XKR9: variants seen among roughly 807,000 people sequenced by gnomAD.
XKR9 encodes the protein XK-related protein 9.
Under a neutral mutation model 32.0 loss-of-function variants are expected in XKR9, and 32 were observed. That is an observed-to-expected ratio of 1.00 (90% CI 0.76 to 1.34). XKR9 has a LOEUF of 1.34. XKR9 is among the 40% of genes most tolerant of loss of function. The pLI is 0.00. For synonymous variants in XKR9, 168 were observed against 143.4 expected (o/e 1.17, Z -1.22); for missense variants, 546 against 429.7 (o/e 1.27, Z -2.39).
the XKR9 span, among the ~76,000 whole-genome samples, chr8:70,866,382 A>G: frequency 6.6e-6 from 1 of 152,250 alleles, no homozygotes; most frequent in African/African-American, 2.4e-5. Context: ...AAAAGCCAGC[A>G]TATGGGGATA....
the XKR9 span, among the ~76,000 whole-genome samples, chr8:70,980,834 T>C: frequency 0.01 from 1,559 of 152,332 alleles, 33 homozygotes; most frequent in African/African-American, 0.036. Context: ...GCTGGCTTTG[T>C]AGTGGCAAAT....
intron 2 of XKR9, among the ~76,000 whole-genome samples, chr8:70,744,266 A>T (rs1309773143): frequency 6.6e-6 from 1 of 152,004 alleles, no homozygotes; most frequent in Non-Finnish European, 1.5e-5. Context: ...AGCCGAGATC[A>T]TGCCATTGCA....
chr8:70,695,776 T>G (rs1219270596), intron 3 of XKR9, among the ~76,000 whole-genome samples: 2 of 149,630 alleles, frequency 1.3e-5, no homozygotes, highest in Non-Finnish European at 3.0e-5. Context: ...ATGGTTGAAC[T>G]AGTTTACAGT....
the XKR9 span, among the ~76,000 whole-genome samples, chr8:71,061,602 C>A: frequency 1.3e-5 from 2 of 152,072 alleles, no homozygotes; most frequent in Non-Finnish European, 2.9e-5. Context: ...CTACTGTAGA[C>A]AATGCTAAAG....
At chr8:70,979,728 G>A in the XKR9 span, among the ~76,000 whole-genome samples, 1 of 152,258 alleles carries the variant, frequency 6.6e-6, no homozygotes, top group Non-Finnish European at 1.5e-5. Flanking sequence ...ACCCACTTGA[G>A]GAGGCAGTCT....
At chr8:70,934,626 C>T in the XKR9 span, among the ~76,000 whole-genome samples, 50 of 152,032 alleles carry the variant, frequency 3.3e-4, no homozygotes, top group Non-Finnish European at 5.7e-4. Context: ...GAAACCTTTG[C>T]AATTACTATG....
the XKR9 span, among the ~76,000 whole-genome samples, chr8:70,958,670 T>G: frequency 6.6e-6 from 1 of 152,228 alleles, no homozygotes; most frequent in Admixed American, 6.5e-5. Flanking sequence ...TGATAGTTTC[T>G]TTTGCTGTGC....
At chr8:70,866,935 C>T in the XKR9 span, among the ~76,000 whole-genome samples, 2 of 152,160 alleles carry the variant, frequency 1.3e-5, no homozygotes, top group Non-Finnish European at 2.9e-5. Context: ...TTTAAAGACA[C>T]AAAGAAACCA....
At chr8:70,911,006 CTCTG>C in the XKR9 span, among the ~76,000 whole-genome samples, 1 of 152,222 alleles carries the variant, frequency 6.6e-6, no homozygotes, top group African/African-American at 2.4e-5. Flanking sequence ...TCTCTTTTGA[CTCTG>C]TCTGCTTCTT....
chr8:70,866,650 A>C, the XKR9 span, among the ~76,000 whole-genome samples: 1 of 149,888 alleles, frequency 6.7e-6, no homozygotes, highest in African/African-American at 2.5e-5. Flanking sequence ...TGCCTGGCTA[A>C]TTTTTTTGAA....
intron 4 of XKR9, among the ~76,000 whole-genome samples, chr8:70,713,949 A>G (rs544512557): frequency 6.6e-6 from 1 of 152,292 alleles, no homozygotes; most frequent in East Asian, 1.9e-4. Flanking sequence ...TCTAGAGACT[A>G]GATGTCCAAG....
the XKR9 span, among the ~76,000 whole-genome samples, chr8:71,011,170 T>G: frequency 6.6e-6 from 1 of 152,186 alleles, no homozygotes; most frequent in African/African-American, 2.4e-5. Context: ...CTCTCTCGTC[T>G]GATGCACTTA....
At chr8:70,776,173 C>A (rs7000647) in intron 2 of XKR9, among the ~76,000 whole-genome samples, 61,242 of 151,852 alleles carry the variant, frequency 0.4, 13,878 homozygotes, top group Non-Finnish European at 0.52. Context: ...AAACTCTTTG[C>A]AAGTGAAGTC....
rs1354150778 is a variant in XKR9, at chr8:70,733,101, C to T, written c.494-695C>T. 5.9e-5 allele frequency among the ~76,000 whole-genome samples: 9 copies of T among 152,064 alleles called. No homozygotes were observed. The East Asian group carries it at 1.7e-3, about 29-fold the overall frequency. On this transcript the variant is annotated intron_variant, in intron 4 of 4. Coordinates refer to ENST00000408926, the MANE Select transcript of XKR9 (RefSeq NM_001011720.2). ...CAGCCATAGTGACAGAGTGAGACTC[C>T]ATCTCAAAAAGAAGGAAAGAAATAA...
At chr8:70,783,488 G>T (rs900968865) in intron 2 of XKR9, among the ~76,000 whole-genome samples, 1 of 152,088 alleles carries the variant, frequency 6.6e-6, no homozygotes, top group Non-Finnish European at 1.5e-5. Flanking sequence ...GGCCCAAAGT[G>T]TGTATGTCTT....
At chr8:70,807,106 A>G in the XKR9 span, among the ~76,000 whole-genome samples, 1 of 152,154 alleles carries the variant, frequency 6.6e-6, no homozygotes, top group Admixed American at 6.5e-5. Context: ...ATTGGGGGCC[A>G]ATACTCAACA....
chr8:70,964,434 G>A, the XKR9 span, among the ~76,000 whole-genome samples: 1 of 152,110 alleles, frequency 6.6e-6, no homozygotes, highest in Non-Finnish European at 1.5e-5. Flanking sequence ...GCTTAGGATT[G>A]TCTTGGCTAT....
the XKR9 span, among the ~76,000 whole-genome samples, chr8:71,056,320 C>G: frequency 1.3e-5 from 2 of 149,990 alleles, no homozygotes; most frequent in African/African-American, 4.9e-5. Context: ...AGAAACAGAA[C>G]AGGAGGTTGT....
the XKR9 span, among the ~76,000 whole-genome samples, chr8:70,935,204 T>TACACACAC: frequency 8.2e-5 from 1 of 12,212 alleles, no homozygotes; most frequent in African/African-American, 2.9e-4. Context: ...TACATATACA[T>TACACACAC]ATATACACAC....
Sources: gnomAD v4.1 joint callset for allele counts (sites outside exome capture counted in the v4.1 genomes callset) on GRCh38, gnomAD v4.1.1 for gene constraint, MANE v1.5 for transcripts, NCBI Gene and HGNC (gene_info 2026-07-23, HGNC 2026-07-21) for gene names.